The following TMPRSS11E variants were observed in gnomAD, a reference collection of about 807,000 sequenced individuals.
TMPRSS11E encodes transmembrane protease serine 11E.
A neutral mutation model predicts 48.1 loss-of-function variants in TMPRSS11E; 38 were observed. That is an observed-to-expected ratio of 0.79 (90% CI 0.61 to 1.04). TMPRSS11E has a LOEUF of 1.04. Ranked by LOEUF, TMPRSS11E falls within the 50% of genes least tolerant of loss-of-function variation. The pLI, the probability that TMPRSS11E is intolerant of heterozygous loss-of-function variation, is 0.00. For missense variants in TMPRSS11E, 530 were observed against 510.8 expected, an observed-to-expected ratio of 1.04 and a Z score of -0.36; for synonymous variants, 158 against 171.9, an observed-to-expected ratio of 0.92 and a Z score of 0.63.
At chr4:68,466,863 A>G (rs1374543334) in intron 3 of TMPRSS11E, 111 bp downstream of exon 3, 1 of 1,427,848 alleles carries the variant, frequency 7.0e-7, no homozygotes, top group African/African-American at 1.4e-5. Context: ...GTGTATTTGC[A>G]AAATGAAAAG....
Position 68,447,503 on chromosome 4 carries a change from C to A in TMPRSS11E, c.-10C>A, listed in dbSNP as rs770126823. On this transcript the variant is annotated 5_prime_UTR_variant, in exon 1 of 10. It adds an upstream start codon to the 5' untranslated region. Coordinates refer to ENST00000305363, the MANE Select transcript of TMPRSS11E (RefSeq NM_014058.4). ...TCGACCTTCACAGGACTCTTCATTG[C>A]TGGTTGGCAATGATGTATCGGTGAG... The A allele has an allele frequency of 6.2e-7, 1 of 1,609,694 alleles. No individual in the cohort carries two copies.
In TMPRSS11E at chr4:68,468,875, A is replaced by C; in HGVS notation, c.259-4A>C. The C allele has an allele frequency of 6.3e-7, 1 of 1,584,884 alleles. No individual in the cohort carries two copies. The highest frequency in any genetic ancestry group is 8.7e-7 in the Non-Finnish European group (1 of 1,154,046). On this transcript the variant is annotated splice_polypyrimidine_tract_variant and splice_region_variant and intron_variant, in intron 3 of 9. Transcript: ENST00000305363. The stretch of plus-strand genomic sequence containing the variant: ...TGATATATTTTGAATATTTTTACAA[A>C]CAGGTGAAAAATGCATTTTATAAAT...
intron 9 of TMPRSS11E, among the ~76,000 whole-genome samples, chr4:68,490,036 C>T (rs552535829): frequency 3.7e-4 from 57 of 152,304 alleles, no homozygotes; most frequent in Non-Finnish European, 4.7e-4. Flanking sequence ...GAGGGGTCTC[C>T]TGCAGCTAAG....
rs147809633 is a variant in TMPRSS11E at position 68,495,312 on chromosome 4, C to A, written c.1111-1331C>A. Among the ~76,000 whole-genome samples the A allele has an allele frequency of 9.2e-5, 14 of 152,050 alleles. No homozygotes were observed. In the East Asian group the frequency reaches 2.5e-3, roughly 27 times the overall value. ...TCTCTTTAAAATAATTATTTATTCT[C>A]GGACTCATTTATTCCTGTCTCTTAT... On this transcript the variant is annotated intron_variant, in intron 9 of 9. Transcript: ENST00000305363.
intron 9 of TMPRSS11E, among the ~76,000 whole-genome samples, chr4:68,495,818 C>A (rs1729849851): frequency 6.6e-6 from 1 of 151,994 alleles, no homozygotes; most frequent in African/African-American, 2.4e-5. Flanking sequence ...TAACCTAGTT[C>A]TATGTTTTTT....
At chr4:68,464,302 T>A (rs1194833702) in intron 2 of TMPRSS11E, among the ~76,000 whole-genome samples, 2 of 152,160 alleles carry the variant, frequency 1.3e-5, no homozygotes, top group East Asian at 3.8e-4. Context: ...GGTAATCAGA[T>A]TTGGAAAAAT....
At chr4:68,459,052 G>C (rs1728716473) in intron 1 of TMPRSS11E, among the ~76,000 whole-genome samples, 1 of 152,104 alleles carries the variant, frequency 6.6e-6, no homozygotes, top group Non-Finnish European at 1.5e-5. Flanking sequence ...CTGCGTACAA[G>C]ACTATATAAT....
chr4:68,449,248 C>T (rs904490813), intron 1 of TMPRSS11E, among the ~76,000 whole-genome samples: 1 of 151,434 alleles, frequency 6.6e-6, no homozygotes, highest in African/African-American at 2.4e-5. Flanking sequence ...AAGAGATCAA[C>T]ACATGAATTT....
Position 68,477,500 on chromosome 4 carries a change from T to C in TMPRSS11E, c.839T>C (p.Leu280Pro). Residue 280 changes from leucine to proline, a missense_variant, in exon 8 of 10, where the codon CTT becomes CCT. Leu to Pro is a moderately conservative substitution (Grantham distance 98). Transcript: ENST00000305363. ...CCATCACATGACTATGATATTTCTC[T>C]TGCAGAGCTTTCTAGCCCTGTTCCC... ...KHPSHDYDISLAELSSPVPYT... is the reference protein window; with the variant it reads ...KHPSHDYDISPAELSSPVPYT... 5 of 1,614,066 alleles carry C rather than the reference T, an allele frequency of 3.1e-6. No homozygotes were observed. Among genetic ancestry groups the C allele is most frequent in the Non-Finnish European group, 4.2e-6 (5 of 1,179,970 alleles).
At chr4:68,462,602 C>T (rs1438854833) in intron 2 of TMPRSS11E, among the ~76,000 whole-genome samples, 1 of 150,826 alleles carries the variant, frequency 6.6e-6, no homozygotes, top group Admixed American at 6.6e-5. Context: ...AAAAAAAATC[C>T]AACTCGTTGA....
chr4:68,461,645 A>G (rs1196272383), intron 1 of TMPRSS11E, among the ~76,000 whole-genome samples, 176 bp from the exon 2 acceptor site: 3 of 152,190 alleles, frequency 2.0e-5, no homozygotes, highest in African/African-American at 7.2e-5. Flanking sequence ...TTGCCTAGCA[A>G]CAGGAGTCAG....
intron 2 of TMPRSS11E, among the ~76,000 whole-genome samples, chr4:68,462,617 C>T (rs1728824535): frequency 6.6e-6 from 1 of 151,628 alleles, no homozygotes; most frequent in Non-Finnish European, 1.5e-5. Context: ...CGTTGAAGTC[C>T]TGACATCCCA....
chr4:68,462,576 C>A (rs186524347), intron 2 of TMPRSS11E, among the ~76,000 whole-genome samples: 2 of 117,026 alleles, frequency 1.7e-5, no homozygotes, highest in African/African-American at 6.3e-5. Flanking sequence ...GAGAGAGACT[C>A]GGTCTCAAAA....
At chr4:68,478,367 C>T (rs1418874464) in intron 8 of TMPRSS11E, among the ~76,000 whole-genome samples, 1 of 150,492 alleles carries the variant, frequency 6.6e-6, no homozygotes, top group Non-Finnish European at 1.5e-5. Flanking sequence ...TGGTCTCAAA[C>T]TCTTGACCTC....
rs752390593 is a variant in TMPRSS11E at position 68,496,720 on chromosome 4, T to G, written c.1188T>G (p.Asp396Glu). 3.1e-6 allele frequency: 5 copies of G among 1,613,576 alleles called. No individual in the cohort carries two copies. In the Admixed American group the frequency reaches 6.7e-5, roughly 22 times the overall value. The change falls in exon 10 of 10, where the codon GAT (aspartate) becomes GAG (glutamate). Residue 396 changes from aspartate (D) to glutamate (E), a missense_variant. By Grantham distance (45) the Asp-to-Glu change is conservative. Transcript: ENST00000305363. ...WYLAGIVSWG[D>E]ECAKPNKPGV... ...TTGCTGGAATAGTGAGCTGGGGAGA[T>G]GAATGTGCGAAACCCAACAAGCCTG...
At position 68,476,608 on chromosome 4, in the gene TMPRSS11E, G is replaced by A. The variant is rs142672113; in HGVS notation, c.707+170G>A. ...ACATTAGTAAGAGGTTTTAAAGTCT[G>A]GAAATGGAAATGGAGTCAAAGTATA... On this transcript the variant is annotated intron_variant, in intron 7 of 9. Transcript: ENST00000305363. Among the ~76,000 whole-genome samples the A allele has an allele frequency of 1.7e-4, 26 of 152,274 alleles. No homozygotes were observed. The East Asian group carries it at 2.9e-3, about 17-fold the overall frequency.
At chr4:68,457,561 G>T (rs1247110939) in intron 1 of TMPRSS11E, among the ~76,000 whole-genome samples, 2 of 152,036 alleles carry the variant, frequency 1.3e-5, no homozygotes, top group African/African-American at 4.8e-5. Context: ...ATACCAAAAG[G>T]ATTATAAATC....
In TMPRSS11E at chr4:68,471,444, CT is replaced by C. The variant is rs1007040182; in HGVS notation, c.327-10del. 3.8e-6 allele frequency: 4 copies of C among 1,059,362 alleles called. No homozygotes were observed. The highest frequency in any genetic ancestry group is 2.3e-5 in the African/African-American group (1 of 44,402). 65.6% of individuals were successfully genotyped at this position (1,059,362 alleles called of 1,614,324 possible). On this transcript the variant is annotated splice_polypyrimidine_tract_variant and intron_variant, in intron 4 of 9. Coordinates refer to ENST00000305363, the MANE Select transcript of TMPRSS11E (RefSeq NM_014058.4). ...TTTCTTTTCTTTCTTTCATTTTCTT[CT>C]TTTTTGGCCCACAGTCAACAGAAGC...
chr4:68,475,127 C>T (rs2109694775), intron 6 of TMPRSS11E, among the ~76,000 whole-genome samples: 1 of 152,170 alleles, frequency 6.6e-6, no homozygotes, highest in East Asian at 1.9e-4. Context: ...AACTCATTGT[C>T]ACTATATCCT....
Sources: gnomAD v4.1 joint callset for allele counts (sites outside exome capture counted in the v4.1 genomes callset) on GRCh38, gnomAD v4.1.1 for gene constraint, MANE v1.5 for transcripts, NCBI Gene and HGNC (gene_info 2026-07-23, HGNC 2026-07-21) for gene names.